ENAH: variants seen among roughly 807,000 people sequenced by gnomAD.
The protein encoded by ENAH is ENAH actin regulator, also known as protein enabled homolog.
In ENAH, 23 loss-of-function variants were observed where a neutral mutation model predicts 78.7. That is an observed-to-expected ratio of 0.29 (90% CI 0.21 to 0.41). The LOEUF is 0.41. ENAH is among the 10% of genes least tolerant of loss of function. The pLI, the probability that ENAH is intolerant of heterozygous loss-of-function variation, is 1.00. For missense variants in ENAH, 544 were observed against 691.0 expected (o/e 0.79, Z 2.39); for synonymous variants, 226 against 241.0 (o/e 0.94, Z 0.58).
intron 6 of ENAH, among the ~76,000 whole-genome samples, chr1:225,516,281 A>C (rs2096416540): frequency 6.6e-6 from 1 of 152,148 alleles, no homozygotes; most frequent in African/African-American, 2.4e-5. Flanking sequence ...GGAACCCTTT[A>C]GGGCATATAT....
intron 1 of ENAH, among the ~76,000 whole-genome samples, chr1:225,625,412 T>G (rs1558928591): frequency 1.3e-5 from 2 of 152,210 alleles, no homozygotes; most frequent in African/African-American, 4.8e-5. Context: ...ATAGTTGAAC[T>G]CCTGCCTTTT....
At chr1:225,596,436 T>G (rs540445037) in intron 1 of ENAH, among the ~76,000 whole-genome samples, 1 of 152,252 alleles carries the variant, frequency 6.6e-6, no homozygotes, top group African/African-American at 2.4e-5. Context: ...AACAAAAAGG[T>G]TCCTGAAATT....
rs190752605 is a variant in ENAH, at chr1:225,566,150, C to G, written c.171+1099G>C. On this transcript the variant is annotated intron_variant, in intron 2 of 13. Transcript: ENST00000366843. ...CTCATTTCTCGGGGGAGCTTCTAAG[C>G]CAGCTAAGAAAGCAACACACTCCTT... 3.0e-3 allele frequency among the ~76,000 whole-genome samples: 460 copies of G among 151,920 alleles called. 2 individuals are homozygous for G. The highest frequency in any genetic ancestry group is 0.01 in the African/African-American group (421 of 41,418).
At chr1:225,524,213 T>C (rs772831163) in intron 4 of ENAH, among the ~76,000 whole-genome samples, 2 of 152,226 alleles carry the variant, frequency 1.3e-5, no homozygotes, top group Non-Finnish European at 2.9e-5. Context: ...TTGAGATTAA[T>C]AGCTTTTTAA....
At chr1:225,499,786 T>TA (rs2096271767) in intron 12 of ENAH, among the ~76,000 whole-genome samples, 1 of 152,336 alleles carries the variant, frequency 6.6e-6, no homozygotes, top group East Asian at 1.9e-4. Context: ...TTGGAAGAAT[T>TA]AGTTTTGAAT....
intron 2 of ENAH, among the ~76,000 whole-genome samples, chr1:225,565,884 G>C (rs1364855413): frequency 6.6e-6 from 1 of 152,148 alleles, no homozygotes; most frequent in African/African-American, 2.4e-5. Flanking sequence ...GGGGCACAGG[G>C]GAGAGACAGA....
At chr1:225,626,511 T>C (rs1488087617) in intron 1 of ENAH, among the ~76,000 whole-genome samples, 1 of 152,246 alleles carries the variant, frequency 6.6e-6, no homozygotes, top group Non-Finnish European at 1.5e-5. Context: ...TTGTGCCTTC[T>C]ACCATGTGAG....
intron 1 of ENAH, among the ~76,000 whole-genome samples, chr1:225,594,441 G>A (rs374961409): frequency 6.6e-6 from 1 of 151,950 alleles, no homozygotes; most frequent in Non-Finnish European, 1.5e-5. Context: ...CTGCTCAATT[G>A]TATCTCCCAG....
chr1:225,600,973 G>T (rs2096927688), intron 1 of ENAH, among the ~76,000 whole-genome samples: 1 of 151,964 alleles, frequency 6.6e-6, no homozygotes, highest in Non-Finnish European at 1.5e-5. Flanking sequence ...ATTCTTAAAG[G>T]TCTGAAATTT....
chr1:225,548,580 G>A (rs948077491), intron 3 of ENAH, among the ~76,000 whole-genome samples: 1 of 152,176 alleles, frequency 6.6e-6, no homozygotes, highest in Non-Finnish European at 1.5e-5. Flanking sequence ...AAAAATAAAT[G>A]GCCTGAAGGC....
At chr1:225,641,398 GTCAAGGCAAACAGATCAC>G (rs1197437449) in intron 1 of ENAH, among the ~76,000 whole-genome samples, 4 of 147,092 alleles carry the variant, frequency 2.7e-5, no homozygotes, top group Non-Finnish European at 5.9e-5. Flanking sequence ...ACTTTGGGAG[GTCAAGGCAAACAGATCAC>G]TCAAGGCCAA....
chr1:225,555,034 G>A lies in ENAH; in HGVS notation c.221C>T (p.Thr74Ile). ...ATCTCGCCACTGGTGGAAGGTCTGT[G>A]TAGCTTGATTGTACTTCAACCCTTT... Reference protein sequence around the residue: ...IPKGLKYNQATQTFHQWRDAR... With the variant: ...IPKGLKYNQAIQTFHQWRDAR... Residue 74 changes from threonine (T) to isoleucine (I), a missense_variant, in exon 3 of 14, where the codon ACA becomes ATA. Physicochemically the swap from Thr to Ile is moderately conservative, Grantham distance 89 (BLOSUM62 -1). This residue lies in a region of ENAH where 77 missense variants were observed against 151.8 expected (regional missense o/e 0.51). Coordinates refer to ENST00000366843, the MANE Select transcript of ENAH (RefSeq NM_018212.6). The A allele has an allele frequency of 6.3e-7, 1 of 1,599,500 alleles. No homozygotes were observed. Among genetic ancestry groups the A allele is most frequent in the African/African-American group, 1.3e-5 (1 of 74,886 alleles).
intron 1 of ENAH, among the ~76,000 whole-genome samples, chr1:225,598,710 G>A (rs1331942902): frequency 6.6e-6 from 1 of 152,070 alleles, no homozygotes; most frequent in Non-Finnish European, 1.5e-5. Flanking sequence ...GGGAAAAGGT[G>A]TAAAAGACAA....
In ENAH at chr1:225,648,197, AAGG is replaced by A. The variant is rs1662324650; in HGVS notation, c.5+4486_5+4488del. Among the ~76,000 whole-genome samples, 7 of 152,320 alleles carry A rather than the reference AAGG, an allele frequency of 4.6e-5. No individual in the cohort carries two copies. The South Asian group carries it at 1.5e-3, about 32-fold the overall frequency. Reference sequence around the variant, plus strand: ...TTAATTCCATTCATCAATTTCAAACAAGGAGGAGAAAAAAGAGGAAAAGACAAC... The same window carrying A: ...TTAATTCCATTCATCAATTTCAAACAAGGAGAAAAAAGAGGAAAAGACAAC... On this transcript the variant is annotated intron_variant, in intron 1 of 13. Coordinates refer to ENST00000366843, the MANE Select transcript of ENAH (RefSeq NM_018212.6).
At position 225,497,718 on chromosome 1, in the gene ENAH, T is replaced by G; in HGVS notation, c.*57A>C. Reference sequence around the variant, plus strand: ...GGGGTTTGCTGTTGTGAACAGTTGTTGTTTGTAGGATATTTTTCCTCCAGA... The same window carrying G: ...GGGGTTTGCTGTTGTGAACAGTTGTGGTTTGTAGGATATTTTTCCTCCAGA... On this transcript the variant is annotated 3_prime_UTR_variant, in exon 14 of 14. Transcript: ENST00000366843. The G allele has an allele frequency of 7.1e-6, 11 of 1,552,592 alleles. No homozygotes were observed. Among genetic ancestry groups the G allele is most frequent in the Non-Finnish European group, 9.7e-6 (11 of 1,129,274 alleles).
rs750574160 is a variant in ENAH, at chr1:225,493,129, A to C, written c.*4646T>G. On this transcript the variant is annotated 3_prime_UTR_variant, in exon 14 of 14. Transcript: ENST00000366843. ...TTTAATTTGAAGGTTTCATCTTTCCAGTATTGATATTTTAAAAAATCTTGA... is the reference window on the plus strand; with the variant it reads ...TTTAATTTGAAGGTTTCATCTTTCCCGTATTGATATTTTAAAAAATCTTGA... The C allele has an allele frequency of 6.6e-6, 1 of 152,132 alleles. No homozygotes were observed. The highest frequency in any genetic ancestry group is 1.5e-5 in the Non-Finnish European group (1 of 68,006). The allele number at this position is 152,132 out of a possible 1,614,324, so 9.4% of individuals were successfully genotyped here.
intron 1 of ENAH, among the ~76,000 whole-genome samples, chr1:225,596,053 G>A (rs1485000808): frequency 6.6e-6 from 1 of 151,956 alleles, no homozygotes; most frequent in Non-Finnish European, 1.5e-5. Context: ...TAATTCTATA[G>A]CCTCTCACAA....
Position 225,639,044 on chromosome 1 carries a change from AG to A in ENAH, c.5+13641del, listed in dbSNP as rs752681681. Reference sequence around the variant, plus strand: ...CCCTGTCAGTCTCTCAATGATTGACAGGTTATTTCAATTACAAAGCAACACA... The same window carrying A: ...CCCTGTCAGTCTCTCAATGATTGACAGTTATTTCAATTACAAAGCAACACA... On this transcript the variant is annotated intron_variant, in intron 1 of 13. Coordinates refer to ENST00000366843, the MANE Select transcript of ENAH (RefSeq NM_018212.6). Among the ~76,000 whole-genome samples the A allele has an allele frequency of 2.0e-5, 3 of 152,378 alleles. No individual in the cohort carries two copies. In the East Asian group the frequency reaches 5.8e-4, roughly 29 times the overall value.
intron 11 of ENAH, among the ~76,000 whole-genome samples, chr1:225,505,781 A>G (rs2096323719): frequency 6.6e-6 from 1 of 152,198 alleles, no homozygotes; most frequent in African/African-American, 2.4e-5. Flanking sequence ...GTTGGATCAA[A>G]TCTATCAAAA....
Sources: gnomAD v4.1 joint callset for allele counts (sites outside exome capture counted in the v4.1 genomes callset) on GRCh38, gnomAD v4.1.1 for gene constraint, gnomAD v4.1.1 regional missense constraint, MANE v1.5 for transcripts, NCBI Gene and HGNC (gene_info 2026-07-23, HGNC 2026-07-21) for gene names.